The following LIPC variants were observed in gnomAD, a reference collection of about 807,000 sequenced individuals.
LIPC encodes the protein hepatic triacylglycerol lipase.
A neutral mutation model predicts 50.7 loss-of-function variants in LIPC; 44 were observed. The ratio of observed to expected loss-of-function variants is 0.87; its 90% CI spans 0.68 to 1.11. LIPC has a LOEUF of 1.11. Ranked by LOEUF, LIPC falls within the 50% of genes most tolerant of loss-of-function variation. The probability of loss-of-function intolerance (pLI) is 0.00; values close to 1 mark genes in which losing one functional copy is unlikely to be tolerated. For missense variants in LIPC, 697 were observed against 648.2 expected (o/e 1.08, Z -0.82); for synonymous variants, 271 against 256.4 (o/e 1.06, Z -0.54).
At chr15:58,441,156 A>C (rs1266033301) in intron 1 of LIPC, among the ~76,000 whole-genome samples, 1 of 152,156 alleles carries the variant, frequency 6.6e-6, no homozygotes, top group African/African-American at 2.4e-5. Flanking sequence ...TTGCAAGCTC[A>C]CCTGGCCCTA....
At chr15:58,502,202 C>T (rs371179453) in intron 1 of LIPC, among the ~76,000 whole-genome samples, 16 of 152,108 alleles carry the variant, frequency 1.1e-4, no homozygotes, top group Non-Finnish European at 1.9e-4. Context: ...CCTTCTCTGC[C>T]GTTCCCCAGA....
At chr15:58,565,441 T>C in intron 8 of LIPC, 1 of 1,424,618 alleles carries the variant, frequency 7.0e-7, no homozygotes, top group Non-Finnish European at 9.2e-7. Context: ...GAAGAAGAAA[T>C]GAGGAGAGGG....
At chr15:58,544,388 T>G (rs189720661) in intron 4 of LIPC, among the ~76,000 whole-genome samples, 1 of 72,688 alleles carries the variant, frequency 1.4e-5, no homozygotes, top group East Asian at 3.9e-4. Flanking sequence ...TTTTTCTTTT[T>G]CTCTTTCTTT....
At chr15:58,489,228 G>GGGGT (rs1294347533) in intron 1 of LIPC, among the ~76,000 whole-genome samples, 5 of 103,466 alleles carry the variant, frequency 4.8e-5, no homozygotes, top group African/African-American at 1.6e-4. Flanking sequence ...GGGGGCGGGG[G>GGGGT]GGCGGCTTAC....
chr15:58,529,826 A>G (rs965250951), intron 1 of LIPC, among the ~76,000 whole-genome samples: 18 of 152,172 alleles, frequency 1.2e-4, no homozygotes, highest in African/African-American at 4.1e-4. Flanking sequence ...AGTTTCTTCA[A>G]CTGTGACATA....
intron 1 of LIPC, among the ~76,000 whole-genome samples, chr15:58,504,141 C>A (rs536550136): frequency 2.2e-4 from 34 of 152,332 alleles, no homozygotes; most frequent in African/African-American, 8.2e-4. Flanking sequence ...CCACAGGGCA[C>A]CCTGGCTGGA....
At chr15:58,559,219 C>T (rs1177393813) in intron 6 of LIPC, among the ~76,000 whole-genome samples, 5 of 152,168 alleles carry the variant, frequency 3.3e-5, no homozygotes, top group Admixed American at 2.0e-4. Flanking sequence ...TTGAAATTCT[C>T]CTATGACAAA....
At chr15:58,541,199 T>A (rs759534104) in intron 2 of LIPC, among the ~76,000 whole-genome samples, 1 of 152,036 alleles carries the variant, frequency 6.6e-6, no homozygotes, top group African/African-American at 2.4e-5. Flanking sequence ...TGCAAATTGG[T>A]TCTCAAACAA....
chr15:58,464,144 G>C (rs1400986137), intron 1 of LIPC, among the ~76,000 whole-genome samples: 1 of 152,124 alleles, frequency 6.6e-6, no homozygotes, highest in African/African-American at 2.4e-5. Context: ...GCATGCACCT[G>C]TCACCCTCCC....
At chr15:58,543,527 T>C (rs950676678) in intron 4 of LIPC, among the ~76,000 whole-genome samples, 8 of 152,156 alleles carry the variant, frequency 5.3e-5, no homozygotes, top group Middle Eastern at 3.4e-3. Flanking sequence ...CTCAAACTCC[T>C]CCTCATCCTT....
At chr15:58,559,286 T>C (rs1310432280) in intron 6 of LIPC, among the ~76,000 whole-genome samples, 1 of 152,230 alleles carries the variant, frequency 6.6e-6, no homozygotes, top group Admixed American at 6.5e-5. Flanking sequence ...TAGATGTTAA[T>C]GTGCATTGTG....
At chr15:58,534,425 C>A (rs113315772) in intron 1 of LIPC, among the ~76,000 whole-genome samples, 2,369 of 152,224 alleles carry the variant, frequency 0.016, 67 homozygotes, top group African/African-American at 0.055. Context: ...ATTCCTTCCA[C>A]CCCTAAATGT....
At chr15:58,530,587 G>A (rs1032665560) in intron 1 of LIPC, among the ~76,000 whole-genome samples, 2 of 152,194 alleles carry the variant, frequency 1.3e-5, no homozygotes, top group Admixed American at 6.5e-5. Flanking sequence ...ATGTGCACTT[G>A]TGTAACCATG....
At chr15:58,474,117 C>A (rs1172907320) in intron 1 of LIPC, among the ~76,000 whole-genome samples, 2 of 152,198 alleles carry the variant, frequency 1.3e-5, no homozygotes, top group African/African-American at 4.8e-5. Context: ...ACCAACCCTC[C>A]TTTGCTGAAA....
At chr15:58,461,970 T>C (rs1388451622) in intron 1 of LIPC, among the ~76,000 whole-genome samples, 1 of 141,948 alleles carries the variant, frequency 7.0e-6, no homozygotes, top group African/African-American at 2.6e-5. Flanking sequence ...AACCTGCTCA[T>C]GGAAGTCCTG....
At chr15:58,532,122 A>T (rs1320454922) in intron 1 of LIPC, among the ~76,000 whole-genome samples, 4 of 152,232 alleles carry the variant, frequency 2.6e-5, no homozygotes, top group Admixed American at 6.5e-5. Context: ...TGGGAGGGTC[A>T]GGTGTCCAGG....
At chr15:58,461,489 T>C (rs1416341835) in intron 1 of LIPC, among the ~76,000 whole-genome samples, 2 of 152,122 alleles carry the variant, frequency 1.3e-5, no homozygotes, top group Non-Finnish European at 2.9e-5. Flanking sequence ...ACTGCAACAA[T>C]TGCTTGGCTC....
At chr15:58,510,344 T>C (rs1204886422) in intron 1 of LIPC, among the ~76,000 whole-genome samples, 1 of 152,234 alleles carries the variant, frequency 6.6e-6, no homozygotes, top group African/African-American at 2.4e-5. Context: ...CTTGCTTGCC[T>C]TTTTGAGTGG....
intron 1 of LIPC, among the ~76,000 whole-genome samples, chr15:58,441,674 T>C (rs2140644438): frequency 6.6e-6 from 1 of 152,330 alleles, no homozygotes; most frequent in Non-Finnish European, 1.5e-5. Flanking sequence ...GAATTCTGGA[T>C]TGGATTCTGT....
Sources: allele counts gnomAD v4.1 joint callset (sites outside exome capture counted in the v4.1 genomes callset), GRCh38; gene constraint gnomAD v4.1.1; transcripts MANE v1.5; gene names NCBI Gene and HGNC (gene_info 2026-07-23, HGNC 2026-07-21).